Variants in CEP192 observed in about 807,000 individuals in gnomAD.
CEP192 encodes centrosomal protein 192.
Under a neutral mutation model 271.8 loss-of-function variants are expected in CEP192, and 151 were observed. That is an observed-to-expected ratio of 0.56 (90% CI 0.49 to 0.64). The LOEUF is 0.64. Among genes scored for constraint, CEP192 ranks in the 30% least tolerant of loss-of-function variants. The pLI is 0.00. For synonymous variants in CEP192, 995 were observed against 1,076.5 expected (o/e 0.92, Z 1.48); for missense variants, 2,910 against 3,020.5 (o/e 0.96, Z 0.86).
At chr18:13,110,238 T>G (rs1356962210) in intron 40 of CEP192, among the ~76,000 whole-genome samples, 1 of 152,206 alleles carries the variant, frequency 6.6e-6, no homozygotes, top group Non-Finnish European at 1.5e-5. Flanking sequence ...TTCTGAAATT[T>G]ATATAGATAT....
chr18:13,004,313 G>A (rs1465295240), intron 3 of CEP192, among the ~76,000 whole-genome samples: 1 of 150,512 alleles, frequency 6.6e-6, no homozygotes, highest in Non-Finnish European at 1.5e-5. Context: ...TTTTTTTTGT[G>A]GTGGGAGAAG....
At chr18:13,019,372 A>G (rs576968484) in intron 9 of CEP192, among the ~76,000 whole-genome samples, 166 bp downstream of exon 9, 3 of 152,236 alleles carry the variant, frequency 2.0e-5, no homozygotes, top group Non-Finnish European at 2.9e-5. Context: ...TAAGTATCAT[A>G]CAATTATATA....
chr18:13,009,930 G>A (rs1209713475), intron 4 of CEP192, among the ~76,000 whole-genome samples: 2 of 152,180 alleles, frequency 1.3e-5, no homozygotes, highest in African/African-American at 4.8e-5. Flanking sequence ...CTGCTGAGGT[G>A]GGTGAATGGC....
intron 15 of CEP192, among the ~76,000 whole-genome samples, chr18:13,043,476 C>T (rs941522814): frequency 1.3e-5 from 2 of 152,150 alleles, no homozygotes; most frequent in African/African-American, 4.8e-5. Context: ...GTCTGTTTAT[C>T]TATCTTGTGT....
intron 17 of CEP192, 100 bp downstream of exon 17, chr18:13,049,991 T>A: frequency 1.0e-6 from 1 of 970,814 alleles, no homozygotes; most frequent in Non-Finnish European, 1.5e-6. Context: ...TGCATTCGTC[T>A]CTCAAAGGTA....
intron 30 of CEP192, among the ~76,000 whole-genome samples, chr18:13,079,103 G>C (rs1239418804): frequency 1.3e-5 from 2 of 152,208 alleles, no homozygotes; most frequent in Admixed American, 1.3e-4. Context: ...ACATATGTGT[G>C]CATGTGTCTT....
At chr18:13,046,992 C>T (rs1298922859) in intron 15 of CEP192, among the ~76,000 whole-genome samples, 2 of 152,046 alleles carry the variant, frequency 1.3e-5, no homozygotes, top group Non-Finnish European at 2.9e-5. Flanking sequence ...CATGTCATTT[C>T]ATTTTAAAAG....
At chr18:13,054,416 C>G (rs1366751514) in intron 18 of CEP192, among the ~76,000 whole-genome samples, 1 of 152,196 alleles carries the variant, frequency 6.6e-6, no homozygotes, top group Non-Finnish European at 1.5e-5. Context: ...TAGTCTTCCT[C>G]CACCAAGCCA....
chr18:13,018,367 C>T (rs930093633), intron 7 of CEP192, 113 bp from the exon 8 acceptor site: 6 of 609,274 alleles, frequency 9.8e-6, no homozygotes, highest in Non-Finnish European at 1.6e-5. Context: ...GGCGATTTTT[C>T]TAATTCCTTC....
At position 13,068,922 on chromosome 18, in the gene CEP192, C is replaced by T. The variant is rs143041966; in HGVS notation, c.4893C>T (p.Pro1631=). The change falls in exon 25 of 45, where the codon CCC becomes CCT. Residue 1631 remains proline (P), a synonymous_variant. Transcript: ENST00000506447. The part of the protein sequence containing the change: ...DIEVDSPNPT[P]VLRSVSLRAR... The stretch of plus-strand genomic sequence containing the variant: ...AAGTTGACAGCCCAAACCCTACGCC[C>T]GTTCTTAGAAGTGTGAGTCTCCGAG... The T allele has an allele frequency of 1.4e-3, 2,208 of 1,614,134 alleles. 4 individuals are homozygous for T. The highest frequency in any genetic ancestry group is 3.7e-3 in the Admixed American group (225 of 60,014).
intron 12 of CEP192, among the ~76,000 whole-genome samples, chr18:13,037,754 T>TA (rs1284082605): frequency 6.6e-6 from 1 of 152,084 alleles, no homozygotes; most frequent in Non-Finnish European, 1.5e-5. Flanking sequence ...GGAGGCTTGT[T>TA]ACGTTGCCTA....
At chr18:13,066,963 C>CTGTGTGTGTGTGTGTGTGTGTGTG (rs56795701) in intron 21 of CEP192, among the ~76,000 whole-genome samples, 1 of 143,416 alleles carries the variant, frequency 7.0e-6, no homozygotes, top group African/African-American at 2.6e-5. Context: ...GTGAGCACGT[C>CTGTGTGTGTGTGTGTGTGTGTGTG]TGTGTGTGTG....
chr18:13,015,593 CTAT>C (rs2034598654), intron 6 of CEP192, 145 bp downstream of exon 6: 1 of 682,974 alleles, frequency 1.5e-6, no homozygotes, highest in Non-Finnish European at 2.5e-6. Context: ...ATGGCCACTT[CTAT>C]TAAGTGATGG....
chr18:13,053,663 T>A (rs1397021814), intron 18 of CEP192, among the ~76,000 whole-genome samples: 1 of 152,074 alleles, frequency 6.6e-6, no homozygotes, highest in African/African-American at 2.4e-5. Flanking sequence ...TTTTAGCAGG[T>A]CACTGTCATG....
At chr18:13,114,291 A>G in intron 42 of CEP192, 40 bp downstream of exon 42, 5 of 1,603,290 alleles carry the variant, frequency 3.1e-6, no homozygotes, top group Non-Finnish European at 3.4e-6. Context: ...TTTTCCCAGT[A>G]CTTTATTGAG....
At chr18:13,120,189 A>G (rs1408111363) in intron 44 of CEP192, among the ~76,000 whole-genome samples, 1 of 152,224 alleles carries the variant, frequency 6.6e-6, no homozygotes, top group Non-Finnish European at 1.5e-5. Context: ...GGCAGAGTCT[A>G]TTTCTGATAT....
At chr18:13,076,303 C>T (rs569504309) in intron 30 of CEP192, among the ~76,000 whole-genome samples, 1 of 152,330 alleles carries the variant, frequency 6.6e-6, no homozygotes, top group East Asian at 1.9e-4. Flanking sequence ...CGGCTCACTG[C>T]AACCTCTGCC....
At chr18:13,055,449 T>A (rs2037042133) in intron 18 of CEP192, among the ~76,000 whole-genome samples, 1 of 152,208 alleles carries the variant, frequency 6.6e-6, no homozygotes, top group Non-Finnish European at 1.5e-5. Context: ...TTATTTGGAT[T>A]TTTTTGTAAA....
At chr18:13,033,651 G>A (rs2035754611) in intron 11 of CEP192, among the ~76,000 whole-genome samples, 1 of 152,222 alleles carries the variant, frequency 6.6e-6, no homozygotes, top group Non-Finnish European at 1.5e-5. Context: ...AACAACGTTA[G>A]AAGCAATGTA....
Sources: allele counts gnomAD v4.1 joint callset (sites outside exome capture counted in the v4.1 genomes callset), GRCh38; gene constraint gnomAD v4.1.1; transcripts MANE v1.5; gene names NCBI Gene and HGNC (gene_info 2026-07-23, HGNC 2026-07-21).